Variants in RGS9 observed in about 807,000 individuals in gnomAD.
RGS9 encodes the protein regulator of G protein signaling 9.
Under a neutral mutation model 102.0 loss-of-function variants are expected in RGS9, and 78 were observed. The ratio of observed to expected loss-of-function variants is 0.76; its 90% CI spans 0.64 to 0.92. The LOEUF is 0.92. Ranked by LOEUF, RGS9 falls within the 40% of genes least tolerant of loss-of-function variation. The pLI, the probability that RGS9 is intolerant of heterozygous loss-of-function variation, is 0.00. For synonymous variants in RGS9, 353 were observed against 318.6 expected, an observed-to-expected ratio of 1.11 and a Z score of -1.15; for missense variants, 833 against 866.1, an observed-to-expected ratio of 0.96 and a Z score of 0.48.
At position 65,227,275 on chromosome 17, in the gene RGS9, C is replaced by T. The variant is rs758436666; in HGVS notation, c.1893C>T (p.Asn631=). 2.5e-6 allele frequency: 4 copies of T among 1,614,136 alleles called. No homozygotes were observed. The East Asian group carries it at 6.7e-5, about 27-fold the overall frequency. ...ACTGGCTTTCCTCTTGCACCTGAAG[C>T]TTTTTCCAGATCAAAATGGATGTGC... ...LPRLKSKRVA[N]FFQIKMDVPT... The change falls in exon 19 of 19, where the codon AAC becomes AAT. Residue 631 remains asparagine (N), a splice_region_variant and synonymous_variant. Coordinates refer to ENST00000262406, the MANE Select transcript of RGS9 (RefSeq NM_003835.4).
intron 8 of RGS9, among the ~76,000 whole-genome samples, chr17:65,175,878 A>C (rs1341799916): frequency 6.6e-6 from 1 of 152,236 alleles, no homozygotes; most frequent in African/African-American, 2.4e-5. Flanking sequence ...TTTATGTAAA[A>C]TGTATTTTGT....
chr17:65,137,909 G>A (rs1291340818), intron 1 of RGS9, among the ~76,000 whole-genome samples: 2 of 152,212 alleles, frequency 1.3e-5, no homozygotes, highest in Non-Finnish European at 2.9e-5. Flanking sequence ...TGCTGATATT[G>A]TTGTAAGACG....
intron 15 of RGS9, among the ~76,000 whole-genome samples, chr17:65,205,740 G>GTGATATAGGTTATATGATATACATTATA (rs544305998): frequency 0.012 from 1,784 of 151,270 alleles, 47 homozygotes; most frequent in African/African-American, 0.041. Context: ...TGTAGGTCAT[G>GTGATATAGGTTATATGATATACATTATA]TGATATAGGT....
At chr17:65,183,262 A>G (rs773007139) in intron 9 of RGS9, among the ~76,000 whole-genome samples, 40 of 152,280 alleles carry the variant, frequency 2.6e-4, no homozygotes, top group Middle Eastern at 3.4e-3. Context: ...AGCTGGGATT[A>G]CAGATGTGTG....
chr17:65,223,606 T>TGCCCAGATCCCGGGGTCAGC (rs1905461834), intron 17 of RGS9, among the ~76,000 whole-genome samples: 1 of 152,228 alleles, frequency 6.6e-6, no homozygotes, highest in Non-Finnish European at 1.5e-5. Flanking sequence ...CCGGGGGCAG[T>TGCCCAGATCCCGGGGTCAGC]GCCCAGATCC....
chr17:65,194,537 G>A (rs1912509029), intron 12 of RGS9, among the ~76,000 whole-genome samples: 1 of 152,130 alleles, frequency 6.6e-6, no homozygotes, highest in Non-Finnish European at 1.5e-5. Flanking sequence ...CTTAAGTTCT[G>A]GGCGGGCAGG....
chr17:65,189,204 G>A (rs1247827211), intron 9 of RGS9, 82 bp from the exon 10 acceptor site: 3 of 1,218,118 alleles, frequency 2.5e-6, no homozygotes, highest in Non-Finnish European at 3.6e-6. Flanking sequence ...TCATGGGGAA[G>A]GATTTTTATT....
rs201997888 is a variant in RGS9, at chr17:65,160,537, C to G, written c.314C>G (p.Thr105Arg). The G allele has an allele frequency of 2.2e-3, 3,549 of 1,614,134 alleles. 7 individuals carry two copies. The highest frequency in any genetic ancestry group is 2.7e-3 in the Non-Finnish European group (3,154 of 1,179,972). ...KPDGSLYRFQ[T>R]PYFWPTQQWP... ...TGGTTTCCCTGGTTTCTTTTGCAGACACCGTATTTCTGGCCCACCCAGCAG... is the reference window on the plus strand; with the variant it reads ...TGGTTTCCCTGGTTTCTTTTGCAGAGACCGTATTTCTGGCCCACCCAGCAG... The change falls in exon 5 of 19, where the codon ACA (threonine) becomes AGA (arginine). Residue 105 changes from threonine to arginine, a missense_variant and splice_region_variant. Thr to Arg is a moderately conservative substitution (Grantham distance 71). Around this residue, in one of 3 missense-constraint regions of RGS9, gnomAD observed 328 missense variants for 340.6 expected, o/e 0.96. Coordinates refer to ENST00000262406, the MANE Select transcript of RGS9 (RefSeq NM_003835.4).
At chr17:65,210,355 G>T (rs1042054553) in intron 16 of RGS9, 133 bp from the exon 17 acceptor site, 1 of 1,135,824 alleles carries the variant, frequency 8.8e-7, no homozygotes, top group Non-Finnish European at 1.3e-6. Flanking sequence ...CCCACTGGAG[G>T]TTCACTGGAA....
Position 65,176,241 on chromosome 17 carries a change from A to G in RGS9, c.583-1491A>G, listed in dbSNP as rs184602068. Reference sequence around the variant, plus strand: ...CTGGAGAGCTGGGTTACCTGCTGGCAAAGGGAACTAACAGAGATTACAGTC... The same window carrying G: ...CTGGAGAGCTGGGTTACCTGCTGGCGAAGGGAACTAACAGAGATTACAGTC... On this transcript the variant is annotated intron_variant, in intron 8 of 18. Coordinates refer to ENST00000262406, the MANE Select transcript of RGS9 (RefSeq NM_003835.4). Among the ~76,000 whole-genome samples, 45 of 152,356 alleles carry G rather than the reference A, an allele frequency of 3.0e-4. 1 individual carries two copies. Among genetic ancestry groups the G allele is most frequent in the Non-Finnish European group, 6.2e-4 (42 of 68,020 alleles).
intron 3 of RGS9, chr17:65,158,823 C>G (rs1455482864): frequency 3.9e-6 from 1 of 255,890 alleles, no homozygotes; most frequent in East Asian, 9.1e-5. Context: ...GGGAGATAGG[C>G]AATAGGAAGC....
chr17:65,216,439 G>A (rs978139567), intron 17 of RGS9, among the ~76,000 whole-genome samples: 2 of 152,080 alleles, frequency 1.3e-5, no homozygotes, highest in Admixed American at 6.6e-5. Flanking sequence ...GGAAATCGAA[G>A]CATCCTGGCT....
intron 9 of RGS9, among the ~76,000 whole-genome samples, chr17:65,186,403 A>G (rs1912125152): frequency 6.6e-6 from 1 of 151,566 alleles, no homozygotes; most frequent in South Asian, 2.1e-4. Context: ...TTCAGTAGAG[A>G]TGGGGGTCTC....
intron 17 of RGS9, among the ~76,000 whole-genome samples, chr17:65,211,260 T>C (rs1913286791): frequency 6.6e-6 from 1 of 152,234 alleles, no homozygotes; most frequent in South Asian, 2.1e-4. Context: ...TATGCCTGCC[T>C]GGAAAGACCC....
chr17:65,177,532 G>A (rs1911691640), intron 8 of RGS9, among the ~76,000 whole-genome samples, 200 bp from the exon 9 acceptor site: 1 of 152,138 alleles, frequency 6.6e-6, no homozygotes, highest in African/African-American at 2.4e-5. Context: ...TAGGTGCTGG[G>A]GATACTGGGA....
intron 1 of RGS9, among the ~76,000 whole-genome samples, chr17:65,139,689 C>T (rs1910082647): frequency 6.6e-6 from 1 of 152,184 alleles, no homozygotes; most frequent in Admixed American, 6.5e-5. Flanking sequence ...TCCTAATGCC[C>T]CTGGGCAGGA....
At chr17:65,171,557 A>G (rs1418670170) in intron 8 of RGS9, among the ~76,000 whole-genome samples, 6 of 152,206 alleles carry the variant, frequency 3.9e-5, no homozygotes, top group Non-Finnish European at 1.5e-5. Context: ...ACTCTCCCAG[A>G]GATAAGACCT....
chr17:65,162,693 T>C (rs962529273), intron 6 of RGS9, among the ~76,000 whole-genome samples: 1 of 151,970 alleles, frequency 6.6e-6, no homozygotes, highest in Admixed American at 6.6e-5. Context: ...ATGGTCTCGA[T>C]CTCCTGACCT....
At chr17:65,177,343 A>C (rs941116256) in intron 8 of RGS9, among the ~76,000 whole-genome samples, 1 of 150,616 alleles carries the variant, frequency 6.6e-6, no homozygotes, top group African/African-American at 2.5e-5. Flanking sequence ...CCATCCATCC[A>C]TCCACTCACC....
Sources: allele counts gnomAD v4.1 joint callset (sites outside exome capture counted in the v4.1 genomes callset), GRCh38; gene constraint gnomAD v4.1.1; regional missense constraint gnomAD v4.1.1; transcripts MANE v1.5; gene names NCBI Gene and HGNC (gene_info 2026-07-23, HGNC 2026-07-21).